Variants in STPG1 observed in about 807,000 individuals in gnomAD.
The protein encoded by STPG1 is O(6)-methylguanine-induced apoptosis 2.
A neutral mutation model predicts 40.1 loss-of-function variants in STPG1; 33 were observed. That is an observed-to-expected ratio of 0.82 (90% CI 0.62 to 1.10). The LOEUF is 1.10. Ranked by LOEUF, STPG1 falls within the 50% of genes least tolerant of loss-of-function variation. STPG1 has a pLI of 0.00. For missense variants in STPG1, 396 were observed against 415.1 expected (o/e 0.95, Z 0.40); for synonymous variants, 150 against 155.0 (o/e 0.97, Z 0.24).
In STPG1 at chr1:24,373,707, G is replaced by A; in HGVS notation, c.566C>T (p.Pro189Leu). The A allele has an allele frequency of 1.2e-6, 2 of 1,607,290 alleles. No homozygotes were observed. Among genetic ancestry groups the A allele is most frequent in the Non-Finnish European group, 1.7e-6 (2 of 1,174,112 alleles). ...GSFAFADKGP[P>L]PGHYDINESL... ...AGTGCAAAGCAGCTGCTTACCTGGG[G>A]GAGGTCCTTTATCAGCAAAAGCGAA... Residue 189 changes from proline to leucine, a missense_variant, in exon 6 of 9, where the codon CCC (proline) becomes CTC (leucine). Pro to Leu is a moderately conservative substitution (Grantham distance 98). Coordinates refer to ENST00000337248, the MANE Select transcript of STPG1 (RefSeq NM_001199013.2).
At chr1:24,361,248 C>T (rs868161751) in intron 7 of STPG1, among the ~76,000 whole-genome samples, 3 of 152,140 alleles carry the variant, frequency 2.0e-5, no homozygotes, top group South Asian at 2.1e-4. Context: ...ATGATGGGAC[C>T]TACTTTGAGG....
At chr1:24,407,541 A>G (rs1041496957) in intron 1 of STPG1, among the ~76,000 whole-genome samples, 1 of 151,630 alleles carries the variant, frequency 6.6e-6, no homozygotes, top group African/African-American at 2.4e-5. Context: ...CCCAGCTTCA[A>G]GCAATTCTCT....
intron 4 of STPG1, 61 bp from the exon 5 acceptor site, chr1:24,379,884 G>T: frequency 1.9e-6 from 3 of 1,542,046 alleles, no homozygotes; most frequent in Non-Finnish European, 2.7e-6. Flanking sequence ...CTGAAGGACA[G>T]ATGTCAAAAA....
At chr1:24,412,704 A>G (rs1364806072) in intron 1 of STPG1, among the ~76,000 whole-genome samples, 1 of 152,182 alleles carries the variant, frequency 6.6e-6, no homozygotes, top group Non-Finnish European at 1.5e-5. Context: ...CAAAAATAAT[A>G]ATAATAGTAT....
chr1:24,394,009 A>G (rs540174847), intron 2 of STPG1, among the ~76,000 whole-genome samples: 2 of 152,204 alleles, frequency 1.3e-5, no homozygotes, highest in Non-Finnish European at 2.9e-5. Context: ...ACCAGAGAAG[A>G]GAGAGCTACC....
At chr1:24,362,711 CCA>C (rs918048455) in intron 7 of STPG1, among the ~76,000 whole-genome samples, 1 of 152,170 alleles carries the variant, frequency 6.6e-6, no homozygotes, top group Non-Finnish European at 1.5e-5. Flanking sequence ...CCCTTCCACC[CCA>C]GAGTCATGCT....
At chr1:24,366,350 C>T (rs977008117) in intron 7 of STPG1, among the ~76,000 whole-genome samples, 1 of 150,468 alleles carries the variant, frequency 6.6e-6, no homozygotes, top group Admixed American at 6.6e-5. Context: ...ACCTCAGGAA[C>T]CCGTGTAGCT....
At chr1:24,364,248 C>T (rs1457164864) in intron 7 of STPG1, 1 of 1,548,620 alleles carries the variant, frequency 6.5e-7, no homozygotes, top group Admixed American at 2.0e-5. Context: ...TTGAATGTTC[C>T]CATCCTGTGA....
intron 7 of STPG1, among the ~76,000 whole-genome samples, chr1:24,367,267 C>T (rs914121932): frequency 2.0e-5 from 3 of 152,162 alleles, no homozygotes; most frequent in East Asian, 1.9e-4. Context: ...CAAATGCAAA[C>T]GCCATAAAAT....
chr1:24,369,948 T>A, intron 6 of STPG1, 109 bp from the exon 7 acceptor site: 2 of 938,010 alleles, frequency 2.1e-6, no homozygotes, highest in Non-Finnish European at 3.1e-6. Context: ...ACCATCACTC[T>A]AGGATGGCCA....
At position 24,361,035 on chromosome 1, in the gene STPG1, GT is replaced by G. The variant is rs533375823; in HGVS notation, c.743del (p.Asn248ThrfsTer4). ...KVPKKTLFPK[N>X]PILNFSAQPS... is the part of the protein sequence containing the mutation. ...GCTGAGCAGAGAAGTTCAGGATGGG[GT>G]TTTTCCTTTGGGAAAGATAAAACGG... On this transcript the variant is annotated frameshift_variant, in exon 8 of 9. Transcript: ENST00000337248. LOFTEE classifies it high-confidence loss of function. The G allele has an allele frequency of 1.4e-4, 231 of 1,604,760 alleles. 4 individuals carry two copies. The East Asian group carries it at 4.6e-3, about 32-fold the overall frequency.
At chr1:24,385,752 A>G (rs1165925954) in intron 3 of STPG1, among the ~76,000 whole-genome samples, 1 of 152,228 alleles carries the variant, frequency 6.6e-6, no homozygotes, top group East Asian at 1.9e-4. Context: ...GATTAAAAAA[A>G]TCCCCACCGG....
chr1:24,414,504 G>C (rs1300061421), upstream of STPG1: 1 of 145,464 alleles, frequency 6.9e-6, no homozygotes, highest in Non-Finnish European at 1.5e-5. Context: ...CCAATGGCTC[G>C]CCTTTAAATT....
intron 1 of STPG1, among the ~76,000 whole-genome samples, chr1:24,404,686 C>G (rs562791995): frequency 6.6e-6 from 1 of 152,084 alleles, no homozygotes; most frequent in Non-Finnish European, 1.5e-5. Context: ...TCATCTATCA[C>G]GAAACTTACG....
intron 1 of STPG1, among the ~76,000 whole-genome samples, chr1:24,408,925 G>A (rs1643511189): frequency 6.6e-6 from 1 of 151,584 alleles, no homozygotes; most frequent in African/African-American, 2.4e-5. Flanking sequence ...TTTTTTTGGT[G>A]GACAATCTAT....
intron 2 of STPG1, among the ~76,000 whole-genome samples, chr1:24,393,738 G>A (rs1642875587): frequency 6.6e-6 from 1 of 151,372 alleles, no homozygotes; most frequent in Non-Finnish European, 1.5e-5. Context: ...CCTCCCAGCT[G>A]GAAAAAAAAA....
chr1:24,404,382 T>A (rs1643338895), intron 1 of STPG1, among the ~76,000 whole-genome samples: 1 of 152,230 alleles, frequency 6.6e-6, no homozygotes, highest in African/African-American at 2.4e-5. Flanking sequence ...TATTAATCTG[T>A]AGCTTTCCTT....
intron 1 of STPG1, among the ~76,000 whole-genome samples, chr1:24,408,185 T>G (rs1270139275): frequency 2.0e-5 from 3 of 152,224 alleles, no homozygotes; most frequent in Admixed American, 2.0e-4. Flanking sequence ...CCAGAGCAGC[T>G]TTTATTCTGG....
At chr1:24,367,467 T>C (rs1354339613) in intron 7 of STPG1, among the ~76,000 whole-genome samples, 1 of 152,212 alleles carries the variant, frequency 6.6e-6, no homozygotes, top group Non-Finnish European at 1.5e-5. Context: ...TAATATAGCC[T>C]AGTAGGTCTA....
Sources: allele counts gnomAD v4.1 joint callset (sites outside exome capture counted in the v4.1 genomes callset), GRCh38; gene constraint gnomAD v4.1.1; transcripts MANE v1.5; gene names NCBI Gene and HGNC (gene_info 2026-07-23, HGNC 2026-07-21).